NR2C2: variants seen among roughly 807,000 people sequenced by gnomAD.
The protein encoded by NR2C2 is nuclear receptor subfamily 2 group C member 2.
A neutral mutation model predicts 62.9 loss-of-function variants in NR2C2; 6 were observed. The ratio of observed to expected loss-of-function variants is 0.10; its 90% CI spans 0.05 to 0.19. The LOEUF is 0.19. Ranked by LOEUF, NR2C2 falls within the 10% of genes least tolerant of loss-of-function variation. NR2C2 has a pLI of 1.00. For missense variants in NR2C2, 479 were observed against 762.7 expected (o/e 0.63, Z 4.38); for synonymous variants, 272 against 273.8 (o/e 0.99, Z 0.07).
At chr3:14,997,122 T>C (rs1032181295) in intron 1 of NR2C2, among the ~76,000 whole-genome samples, 1 of 152,234 alleles carries the variant, frequency 6.6e-6, no homozygotes, top group Non-Finnish European at 1.5e-5. Context: ...CATAAGATTA[T>C]AACTGTATTT....
intron 13 of NR2C2, among the ~76,000 whole-genome samples, chr3:15,041,113 T>C (rs1249942867): frequency 6.6e-6 from 1 of 152,216 alleles, no homozygotes; most frequent in Non-Finnish European, 1.5e-5. Flanking sequence ...GAGGCTTTCT[T>C]ATAGGGCTCA....
chr3:15,001,832 G>C (rs1049159408), intron 1 of NR2C2, among the ~76,000 whole-genome samples: 1 of 152,046 alleles, frequency 6.6e-6, no homozygotes, highest in African/African-American at 2.4e-5. Context: ...TGTCCGGACT[G>C]GTCTTAAACT....
chr3:14,990,557 T>G (rs1252605348), intron 1 of NR2C2, among the ~76,000 whole-genome samples: 2 of 152,212 alleles, frequency 1.3e-5, no homozygotes, highest in East Asian at 1.9e-4. Context: ...GAATCTGCAC[T>G]GGCAGGGTTT....
chr3:15,046,970 C>T lies in NR2C2; in HGVS notation c.*3962C>T, dbSNP rs1234912760. ...GGACCTTCTCATTGTGTGCCTCCCA[C>T]CAGCGTGCACTTCGTATGTCCAGCC... is the stretch of plus-strand genomic sequence containing the variant. On this transcript the variant is annotated 3_prime_UTR_variant, in exon 14 of 14. Coordinates refer to ENST00000425241, the MANE Select transcript of NR2C2 (RefSeq NM_001291694.2). The T allele has an allele frequency of 6.6e-6, 1 of 152,670 alleles. No homozygotes were observed. The highest frequency in any genetic ancestry group is 1.5e-5 in the Non-Finnish European group (1 of 68,048). 9.5% of individuals were successfully genotyped at this position (152,670 alleles called of 1,614,324 possible).
rs866520728 is a variant in NR2C2 at position 15,042,859 on chromosome 3, C to T, written c.1642C>T (p.Pro548Ser). The T allele has an allele frequency of 2.5e-6, 4 of 1,613,944 alleles. No individual in the cohort carries two copies. Among genetic ancestry groups the T allele is most frequent in the Non-Finnish European group, 3.4e-6 (4 of 1,179,976 alleles). ...ATTGGCCCGGATCCTCGTTCGCCTG[C>T]CGGCACTCAGGCTGATGAGCTCCAA... is the stretch of plus-strand genomic sequence containing the variant. ...YRLARILVRL[P>S]ALRLMSSNIT... The change falls in exon 14 of 14, where the codon CCG becomes TCG. Residue 548 changes from proline (P) to serine (S), a missense_variant. By Grantham distance (74) the Pro-to-Ser change is moderately conservative. Around this residue, in one of 4 missense-constraint regions of NR2C2, gnomAD observed 162 missense variants for 296.8 expected, o/e 0.55. Coordinates refer to ENST00000425241, the MANE Select transcript of NR2C2 (RefSeq NM_001291694.2).
At chr3:15,037,102 AGAGT>A (rs1340907906) in intron 11 of NR2C2, among the ~76,000 whole-genome samples, 1 of 151,892 alleles carries the variant, frequency 6.6e-6, no homozygotes, top group African/African-American at 2.4e-5. Context: ...AGCCTGGGAC[AGAGT>A]GAGACTCAAA....
At chr3:14,968,698 C>T (rs371172866) in intron 1 of NR2C2, among the ~76,000 whole-genome samples, 6 of 143,118 alleles carry the variant, frequency 4.2e-5, no homozygotes, top group African/African-American at 1.1e-4. Context: ...ATGTTTATTG[C>T]GGCATTATTC....
At chr3:15,033,718 A>T (rs2042037611) in intron 10 of NR2C2, among the ~76,000 whole-genome samples, 1 of 144,894 alleles carries the variant, frequency 6.9e-6, no homozygotes, top group African/African-American at 2.5e-5. Context: ...GAGATTTTTT[A>T]AATGAGGTTA....
intron 1 of NR2C2, among the ~76,000 whole-genome samples, chr3:14,998,155 TTATC>T (rs2040885286): frequency 6.6e-6 from 1 of 152,266 alleles, no homozygotes; most frequent in African/African-American, 2.4e-5. Context: ...CATGTTTTAT[TTATC>T]CATTCATCAT....
intron 2 of NR2C2, among the ~76,000 whole-genome samples, chr3:15,011,776 G>A (rs895354739): frequency 3.9e-5 from 6 of 152,182 alleles, no homozygotes; most frequent in African/African-American, 7.2e-5. Context: ...TGGCTGTGCC[G>A]TGTAGCACAC....
At chr3:14,957,839 A>G (rs1311176582) in intron 1 of NR2C2, among the ~76,000 whole-genome samples, 1 of 151,526 alleles carries the variant, frequency 6.6e-6, no homozygotes, top group Non-Finnish European at 1.5e-5. Context: ...TGAGTGCATC[A>G]TTTTTCTGCC....
At chr3:15,013,445 A>C (rs1369855009) in intron 2 of NR2C2, 144 bp from the exon 3 acceptor site, 1 of 666,708 alleles carries the variant, frequency 1.5e-6, no homozygotes, top group South Asian at 1.9e-5. Flanking sequence ...TATTTTTCTC[A>C]GTTCACCGTG....
intron 1 of NR2C2, among the ~76,000 whole-genome samples, chr3:14,955,399 A>G (rs1273779163): frequency 6.6e-6 from 1 of 152,132 alleles, no homozygotes; most frequent in Non-Finnish European, 1.5e-5. Context: ...TGATGTAAGC[A>G]ATTTTTGTTC....
At chr3:14,980,299 C>T (rs1397626126) in intron 1 of NR2C2, among the ~76,000 whole-genome samples, 3 of 150,074 alleles carry the variant, frequency 2.0e-5, no homozygotes, top group Non-Finnish European at 4.4e-5. Context: ...TACAGGTGTG[C>T]ACCATGACCC....
At chr3:14,948,351 A>T (rs1034563040) in intron 1 of NR2C2, 1 of 152,072 alleles carries the variant, frequency 6.6e-6, no homozygotes, top group Non-Finnish European at 1.5e-5. Flanking sequence ...TCGCAGCCCA[A>T]CCGCCGTTTT....
chr3:15,029,718 G>A (rs2041915256), intron 8 of NR2C2, among the ~76,000 whole-genome samples: 1 of 152,068 alleles, frequency 6.6e-6, no homozygotes, highest in Non-Finnish European at 1.5e-5. Flanking sequence ...ACTTAGAGAA[G>A]CTGAGACAAG....
intron 1 of NR2C2, among the ~76,000 whole-genome samples, chr3:14,976,602 CTTTTTTTTTTT>C (rs533538010): frequency 2.2e-5 from 2 of 90,740 alleles, no homozygotes; most frequent in South Asian, 3.7e-4. Context: ...TCCTTCCTTC[CTTTTTTTTTTT>C]TTTTTTTTTT....
At chr3:15,012,172 A>C (rs1301993740) in intron 2 of NR2C2, among the ~76,000 whole-genome samples, 2 of 151,674 alleles carry the variant, frequency 1.3e-5, no homozygotes, top group African/African-American at 4.8e-5. Flanking sequence ...TATTGCAGTT[A>C]GCCAAGCTGT....
intron 1 of NR2C2, among the ~76,000 whole-genome samples, chr3:14,996,239 C>T (rs2040829224): frequency 6.6e-6 from 1 of 152,138 alleles, no homozygotes; most frequent in Non-Finnish European, 1.5e-5. Context: ...AAACCATTGC[C>T]TAATCCAAGG....
Sources: gnomAD v4.1 joint callset for allele counts (sites outside exome capture counted in the v4.1 genomes callset) on GRCh38, gnomAD v4.1.1 for gene constraint, gnomAD v4.1.1 regional missense constraint, MANE v1.5 for transcripts, NCBI Gene and HGNC (gene_info 2026-07-23, HGNC 2026-07-21) for gene names.